The following RFPL4AL1 variants were observed in gnomAD, a reference collection of about 807,000 sequenced individuals.
RFPL4AL1 encodes ret finger protein like 4A like 1.
Under a neutral mutation model 8.2 loss-of-function variants are expected in RFPL4AL1, and 2 were observed. That is an observed-to-expected ratio of 0.24 (90% CI 0.10 to 0.77). The LOEUF is 0.77. Among genes scored for constraint, RFPL4AL1 ranks in the 30% least tolerant of loss-of-function variants. RFPL4AL1 has a pLI of 0.72. For synonymous variants in RFPL4AL1, 25 were observed against 131.8 expected (o/e 0.19, Z 5.55); for missense variants, 57 against 350.3 (o/e 0.16, Z 6.68).
chr19:55,770,189 A>G (rs1290241901), intron 1 of RFPL4AL1, among the ~76,000 whole-genome samples: 2 of 151,974 alleles, frequency 1.3e-5, no homozygotes, highest in African/African-American at 4.8e-5. Context: ...CTTTCTCCAC[A>G]TCCTTACCAA....
chr19:55,771,086 G>GGTTT (rs1555799526), intron 1 of RFPL4AL1, among the ~76,000 whole-genome samples: 591 of 130,268 alleles, frequency 4.5e-3, no homozygotes, highest in East Asian at 0.028. Context: ...TCTGTTTTTT[G>GGTTT]TTTTTTTTTT....
At chr19:55,770,183 C>G (rs1047497251) in intron 1 of RFPL4AL1, among the ~76,000 whole-genome samples, 1 of 152,030 alleles carries the variant, frequency 6.6e-6, no homozygotes, top group African/African-American at 2.4e-5. Context: ...GTTCCCCTTT[C>G]TCCACATCCT....
intron 1 of RFPL4AL1, among the ~76,000 whole-genome samples, chr19:55,770,927 A>G (rs1249929993): frequency 6.6e-6 from 1 of 151,948 alleles, no homozygotes; most frequent in Non-Finnish European, 1.5e-5. Flanking sequence ...TGTGCTTTTC[A>G]GAGAAATGTC....
intron 1 of RFPL4AL1, 58 bp from the exon 2 acceptor site, chr19:55,771,738 T>C (rs1989501789): frequency 6.5e-7 from 1 of 1,546,760 alleles, no homozygotes; most frequent in African/African-American, 1.4e-5. Context: ...CCAAACACTA[T>C]CAGCTGTTCA....
chr19:55,770,196 C>A (rs1344118624), intron 1 of RFPL4AL1, among the ~76,000 whole-genome samples: 1 of 151,986 alleles, frequency 6.6e-6, no homozygotes, highest in Non-Finnish European at 1.5e-5. Flanking sequence ...CACATCCTTA[C>A]CAACACTTAT....
chr19:55,770,843 C>T (rs1989478352), intron 1 of RFPL4AL1, among the ~76,000 whole-genome samples: 1 of 151,924 alleles, frequency 6.6e-6, no homozygotes, highest in Non-Finnish European at 1.5e-5. Context: ...AGTATTCCTG[C>T]CTCAGTTTAA....
At chr19:55,770,652 G>A (rs983241110) in intron 1 of RFPL4AL1, among the ~76,000 whole-genome samples, 7 of 151,870 alleles carry the variant, frequency 4.6e-5, no homozygotes, top group East Asian at 1.9e-4. Context: ...TAATGACCAC[G>A]GTCATTACTG....
At chr19:55,771,653 T>C (rs1198493686) in intron 1 of RFPL4AL1, 143 bp from the exon 2 acceptor site, 2 of 1,009,228 alleles carry the variant, frequency 2.0e-6, no homozygotes, top group Non-Finnish European at 2.8e-6. Flanking sequence ...TGTATTCATG[T>C]TGTGTCTTCA....
intron 1 of RFPL4AL1, among the ~76,000 whole-genome samples, chr19:55,771,061 T>C (rs1989483217): frequency 6.6e-6 from 1 of 150,766 alleles, no homozygotes; most frequent in South Asian, 2.1e-4. Context: ...GGCTGCTTGT[T>C]TGGTTTCTTT....
At chr19:55,769,842 C>G (rs1243858659) in intron 1 of RFPL4AL1, among the ~76,000 whole-genome samples, 5 of 151,946 alleles carry the variant, frequency 3.3e-5, no homozygotes, top group African/African-American at 9.6e-5. Flanking sequence ...ATTTCACTTC[C>G]CATCATGCCC....
intron 1 of RFPL4AL1, among the ~76,000 whole-genome samples, chr19:55,769,803 TAC>T (rs1199108451): frequency 1.3e-5 from 2 of 151,664 alleles, no homozygotes; most frequent in South Asian, 2.1e-4. Flanking sequence ...ACTGAGATCA[TAC>T]AGTGTTTACT....
intron 1 of RFPL4AL1, among the ~76,000 whole-genome samples, chr19:55,771,086 G>GGTTTTTTTTTTTTTTTTTTTTTTTT (rs1555799526): frequency 7.7e-6 from 1 of 130,374 alleles, no homozygotes; most frequent in Non-Finnish European, 1.6e-5. Context: ...TCTGTTTTTT[G>GGTTTTTTTTTTTTTTTTTTTTTTTT]TTTTTTTTTT....
intron 1 of RFPL4AL1, among the ~76,000 whole-genome samples, chr19:55,770,796 G>A (rs1403766647): frequency 1.3e-5 from 2 of 151,898 alleles, no homozygotes; most frequent in Non-Finnish European, 1.5e-5. Context: ...ATGTGAAATT[G>A]TCACTGGATA....
At chr19:55,769,217 T>C (rs1989443445) in intron 1 of RFPL4AL1, 42 bp downstream of exon 1, 1 of 151,902 alleles carries the variant, frequency 6.6e-6, no homozygotes. Context: ...AAAAGGCGTA[T>C]GAGAATCTAG....
At chr19:55,771,344 C>T (rs1372633135) in intron 1 of RFPL4AL1, among the ~76,000 whole-genome samples, 2 of 152,134 alleles carry the variant, frequency 1.3e-5, no homozygotes. Context: ...TGAATTTTAA[C>T]TCAGAATATA....
Position 55,772,133 on chromosome 19 carries a change from G to T in RFPL4AL1, c.286+43G>T. On this transcript the variant is annotated intron_variant, in intron 2 of 2. Coordinates refer to ENST00000341750, the MANE Select transcript of RFPL4AL1 (RefSeq NM_001277397.2). Reference sequence around the variant, plus strand: ...CCTGCCACAACCCATAAAAGGCACTGGGAAAACGACTTTCAAACATTTCTT... The same window carrying T: ...CCTGCCACAACCCATAAAAGGCACTTGGAAAACGACTTTCAAACATTTCTT... 5.4e-6 allele frequency: 8 copies of T among 1,481,480 alleles called. 1 individual carries two copies. Among genetic ancestry groups the T allele is most frequent in the Non-Finnish European group, 7.3e-6 (8 of 1,095,266 alleles). The allele number at this position is 1,481,480 out of a possible 1,614,324, so 91.8% of individuals were successfully genotyped here.
At chr19:55,771,027 A>T (rs1378612718) in intron 1 of RFPL4AL1, among the ~76,000 whole-genome samples, 39 of 149,806 alleles carry the variant, frequency 2.6e-4, no homozygotes. Context: ...TATATTTTGG[A>T]TATTAATCCA....
At position 55,772,301 on chromosome 19, in the gene RFPL4AL1, C is replaced by T. The variant is rs184815290; in HGVS notation, c.286+211C>T. Among the ~76,000 whole-genome samples the T allele has an allele frequency of 4.0e-3, 519 of 131,214 alleles. 78 individuals carry two copies. The highest frequency in any genetic ancestry group is 0.013 in the African/African-American group (488 of 38,482). 86.1% of individuals were successfully genotyped at this position (131,214 alleles called of 152,430 possible). A position where few individuals can be genotyped will look rare whatever the true frequency, so the allele number is the denominator to read the frequency against. ...ACTTTGGAGAGCAAGCTACTGTCTT[C>T]TTTCATGTATCATATGTGCTAAATG... On this transcript the variant is annotated intron_variant, in intron 2 of 2. Coordinates refer to ENST00000341750, the MANE Select transcript of RFPL4AL1 (RefSeq NM_001277397.2).
Position 55,772,899 on chromosome 19 carries a change from A to G in RFPL4AL1, c.584A>G (p.Lys195Arg), listed in dbSNP as rs1366494442. 1 of 1,549,534 alleles carries G rather than the reference A, an allele frequency of 6.5e-7. No individual in the cohort carries two copies. The highest frequency in any genetic ancestry group is 8.7e-7 in the Non-Finnish European group (1 of 1,146,340). Residue 195 changes from lysine to arginine, a missense_variant, in exon 3 of 3, where the codon AAG (lysine) becomes AGG (arginine). Coordinates refer to ENST00000341750, the MANE Select transcript of RFPL4AL1 (RefSeq NM_001277397.2). The part of the protein sequence containing the change: ...GFLTVGCREG[K>R]VFAASTVPMT... The stretch of plus-strand genomic sequence containing the variant: ...TTGACTGTGGGTTGCAGAGAAGGAA[A>G]GGTCTTTGCTGCCAGCACTGTGCCT...
Sources: gnomAD v4.1 joint callset for allele counts (sites outside exome capture counted in the v4.1 genomes callset) on GRCh38, gnomAD v4.1.1 for gene constraint, MANE v1.5 for transcripts, NCBI Gene and HGNC (gene_info 2026-07-23, HGNC 2026-07-21) for gene names.